SPSB1: variants seen among roughly 807,000 people sequenced by gnomAD.
SPSB1 encodes SPRY domain-containing SOCS box protein 1.
In SPSB1, 8 loss-of-function variants were observed where a neutral mutation model predicts 21.2. The ratio of observed to expected loss-of-function variants is 0.38; its 90% confidence interval spans 0.22 to 0.68. The LOEUF (loss-of-function observed/expected upper bound fraction) is 0.68. Ranked by LOEUF, SPSB1 falls within the 30% of genes least tolerant of loss-of-function variation. SPSB1 has a pLI of 0.53. For missense variants in SPSB1, 242 were observed against 377.8 expected, an observed-to-expected ratio of 0.64 and a Z score of 2.98; for synonymous variants, 169 against 161.7, an observed-to-expected ratio of 1.05 and a Z score of -0.34.
rs369785692 is a variant in SPSB1 at position 9,354,382 on chromosome 1, C to G, written c.-149-1361C>G. On this transcript the variant is annotated intron_variant, in intron 1 of 2. Transcript: ENST00000328089. ...GTTCCATTTCTTCAACGGGAGCCTG[C>G]CTTGCCCCTGGCCTAGTTGATCCTA... 1.7e-3 allele frequency among the ~76,000 whole-genome samples: 253 copies of G among 152,304 alleles called. 1 individual carries two copies. The highest frequency in any genetic ancestry group is 7.7e-3 in the East Asian group (40 of 5,166).
At chr1:9,331,336 T>TG in intron 1 of SPSB1, among the ~76,000 whole-genome samples, 1 of 143,448 alleles carries the variant, frequency 7.0e-6, no homozygotes, top group African/African-American at 2.6e-5. Flanking sequence ...TTTTTTTTTT[T>TG]TTTTTTTTTT....
intron 1 of SPSB1, among the ~76,000 whole-genome samples, chr1:9,299,343 A>G (rs980245738): frequency 1.3e-4 from 20 of 152,140 alleles, no homozygotes; most frequent in Admixed American, 2.6e-4. Flanking sequence ...TCCCTTCCAC[A>G]GATATCATAC....
In SPSB1 at chr1:9,310,058, G is replaced by A. The variant is rs542823469; in HGVS notation, c.-150+16987G>A. 2.8e-5 allele frequency among the ~76,000 whole-genome samples: 4 copies of A among 145,436 alleles called. No individual in the cohort carries two copies. In the South Asian group the frequency reaches 9.1e-4, roughly 33 times the overall value. On this transcript the variant is annotated intron_variant, in intron 1 of 2. Transcript: ENST00000328089. ...GTTGCCCTAAAGCTCTCCTCAGGTG[G>A]GGGATGGTGAGGGGCCTGTGATGAT...
intron 1 of SPSB1, among the ~76,000 whole-genome samples, chr1:9,304,938 G>T (rs1344731720): frequency 6.6e-6 from 1 of 152,122 alleles, no homozygotes; most frequent in East Asian, 1.9e-4. Context: ...AGGATTATGG[G>T]CATGAGCCAC....
rs1418975698 is a variant in SPSB1 at position 9,305,003 on chromosome 1, C to G, written c.-150+11932C>G. Among the ~76,000 whole-genome samples, 1 of 152,136 alleles carries G rather than the reference C, an allele frequency of 6.6e-6. No individual in the cohort carries two copies. Among genetic ancestry groups the G allele is most frequent in the Non-Finnish European group, 1.5e-5 (1 of 68,004 alleles). On this transcript the variant is annotated intron_variant, in intron 1 of 2. Coordinates refer to ENST00000328089, the MANE Select transcript of SPSB1 (RefSeq NM_025106.4). This position sits in a 1 kb window ranked among gnomAD's most constrained non-coding sequence, Gnocchi z 4.8. ...TTGCCCCATCCTGGCTTAGAAAGCT[C>G]TGGCCATTCCCTGGGCTTCACCTGC...
chr1:9,334,777 A>G (rs922708115), intron 1 of SPSB1, among the ~76,000 whole-genome samples: 1 of 152,162 alleles, frequency 6.6e-6, no homozygotes, highest in Non-Finnish European at 1.5e-5. Flanking sequence ...TAGGTACCTC[A>G]TGTAAGTGCA....
chr1:9,296,468 A>G (rs1383845445), intron 1 of SPSB1, among the ~76,000 whole-genome samples: 1 of 152,236 alleles, frequency 6.6e-6, no homozygotes, highest in African/African-American at 2.4e-5. Flanking sequence ...GAAAATGTCA[A>G]ACACACCAAA....
intron 1 of SPSB1, among the ~76,000 whole-genome samples, chr1:9,327,842 A>G (rs962338098): frequency 6.6e-6 from 1 of 152,218 alleles, no homozygotes; most frequent in Non-Finnish European, 1.5e-5. Flanking sequence ...TGTGCCAATC[A>G]AGCTTCACTT....
intron 1 of SPSB1, among the ~76,000 whole-genome samples, chr1:9,351,835 G>A (rs1397057978): frequency 1.3e-5 from 2 of 152,232 alleles, no homozygotes; most frequent in Non-Finnish European, 2.9e-5. Flanking sequence ...CCACCACAGT[G>A]ATTGACCACC....
chr1:9,305,094 C>T lies in SPSB1; in HGVS notation c.-150+12023C>T, dbSNP rs1482578120. Among the ~76,000 whole-genome samples, 4 of 152,162 alleles carry T rather than the reference C, an allele frequency of 2.6e-5. No individual in the cohort carries two copies. The highest frequency in any genetic ancestry group is 4.4e-5 in the Non-Finnish European group (3 of 68,016). On this transcript the variant is annotated intron_variant, in intron 1 of 2. Coordinates refer to ENST00000328089, the MANE Select transcript of SPSB1 (RefSeq NM_025106.4). The surrounding 1 kb of genome is among the most constrained non-coding windows in gnomAD (Gnocchi z 4.8). The stretch of plus-strand genomic sequence containing the variant: ...GGGCCTCTCCCACTTCTCCCTCTCG[C>T]CCTTGTGGCCCATCTGCCCCCTCAG...
rs1209708955 is a variant in SPSB1 at position 9,369,203 on chromosome 1, C to T, written c.*1628C>T. 2 of 126,506 alleles carry T rather than the reference C, an allele frequency of 1.6e-5. No individual in the cohort carries two copies. The highest frequency in any genetic ancestry group is 3.4e-5 in the Non-Finnish European group (2 of 58,406). 7.8% of individuals were successfully genotyped at this position (126,506 alleles called of 1,614,324 possible). On this transcript the variant is annotated 3_prime_UTR_variant, in exon 3 of 3. Coordinates refer to ENST00000328089, the MANE Select transcript of SPSB1 (RefSeq NM_025106.4). The stretch of plus-strand genomic sequence containing the variant: ...GTACATTACCCCCTTATTATTTTGA[C>T]GGTTTTTTTTTTCGGGGCAGGGGAC...
At chr1:9,300,974 G>A (rs1639318310) in intron 1 of SPSB1, among the ~76,000 whole-genome samples, 1 of 152,268 alleles carries the variant, frequency 6.6e-6, no homozygotes, top group Admixed American at 6.5e-5. Flanking sequence ...GTGGACAGCT[G>A]CAGCACTATA....
At chr1:9,358,609 T>G (rs1350430348) in intron 2 of SPSB1, among the ~76,000 whole-genome samples, 5 of 152,188 alleles carry the variant, frequency 3.3e-5, no homozygotes, top group African/African-American at 9.7e-5. Context: ...GCCTCCCTCC[T>G]CCCAGCCATG....
At chr1:9,329,013 G>T (rs1358268442) in intron 1 of SPSB1, among the ~76,000 whole-genome samples, 3 of 152,236 alleles carry the variant, frequency 2.0e-5, no homozygotes, top group Non-Finnish European at 4.4e-5. Context: ...TGTCCTACTA[G>T]GGGCGGGCCC....
chr1:9,324,530 C>G lies in SPSB1; in HGVS notation c.-149-31213C>G, dbSNP rs530241351. Among the ~76,000 whole-genome samples, 13 of 152,006 alleles carry G rather than the reference C, an allele frequency of 8.6e-5. No individual in the cohort carries two copies. Among genetic ancestry groups the G allele is most frequent in the Non-Finnish European group, 1.8e-4 (12 of 68,016 alleles). ...CTGTGGGCCCGGGACTCGGTGTGTC[C>G]GATGAGGAAACCAGCTTGGGTGGGG... On this transcript the variant is annotated intron_variant, in intron 1 of 2. Coordinates refer to ENST00000328089, the MANE Select transcript of SPSB1 (RefSeq NM_025106.4). This position sits in a 1 kb window ranked among gnomAD's most constrained non-coding sequence, Gnocchi z 4.3.
intron 2 of SPSB1, among the ~76,000 whole-genome samples, chr1:9,360,392 G>A (rs1199757762): frequency 6.6e-6 from 1 of 152,220 alleles, no homozygotes; most frequent in Admixed American, 6.5e-5. Context: ...GGGCACGGGA[G>A]GAGCCTGATG....
rs538266589 is a variant in SPSB1, at chr1:9,322,985, G to A, written c.-150+29914G>A. ...CTTGGAAATAGGTCACTCCCTTCCC[G>A]TGCCGCCAGCACTGACCCAGATGTG... On this transcript the variant is annotated intron_variant, in intron 1 of 2. Coordinates refer to ENST00000328089, the MANE Select transcript of SPSB1 (RefSeq NM_025106.4). Among the ~76,000 whole-genome samples, 102 of 151,378 alleles carry A rather than the reference G, an allele frequency of 6.7e-4. 1 individual carries two copies. The highest frequency in any genetic ancestry group is 2.3e-3 in the African/African-American group (95 of 41,316).
At chr1:9,362,296 G>T (rs958827482) in intron 2 of SPSB1, among the ~76,000 whole-genome samples, 2 of 152,280 alleles carry the variant, frequency 1.3e-5, no homozygotes, top group South Asian at 2.1e-4. Context: ...CTCAGAGTTT[G>T]GGGGGGATAG....
intron 1 of SPSB1, among the ~76,000 whole-genome samples, chr1:9,294,207 T>C (rs1007777247): frequency 6.6e-6 from 1 of 152,108 alleles, no homozygotes; most frequent in African/African-American, 2.4e-5. Flanking sequence ...TGTGTCTTTG[T>C]GTCTGTGTGT....
Sources: gnomAD v4.1 joint callset for allele counts (sites outside exome capture counted in the v4.1 genomes callset) on GRCh38, gnomAD v4.1.1 for gene constraint, Gnocchi (gnomAD v3.1) non-coding constraint, MANE v1.5 for transcripts, NCBI Gene and HGNC (gene_info 2026-07-23, HGNC 2026-07-21) for gene names.